GPR141: variants seen among roughly 807,000 people sequenced by gnomAD.
The protein encoded by GPR141 is G protein-coupled receptor 141.
In GPR141, 6 loss-of-function variants were observed where a neutral mutation model predicts 6.8. The observed-to-expected ratio is 0.88, with a 90% CI of 0.48 to 1.74. The LOEUF is 1.74. Among genes scored for constraint, GPR141 ranks in the 40% most tolerant of loss-of-function variants. The pLI is 0.01. For missense variants in GPR141, 372 were observed against 372.9 expected (o/e 1.00, Z 0.02); for synonymous variants, 140 against 142.3 (o/e 0.98, Z 0.11).
chr7:37,733,849 C>T (rs189708943), intron 2 of GPR141, among the ~76,000 whole-genome samples: 24 of 152,170 alleles, frequency 1.6e-4, no homozygotes, highest in Admixed American at 1.3e-4. Flanking sequence ...ATTTTTTCCA[C>T]TTCATACGTT....
rs111673518 is a variant in GPR141, at chr7:37,692,927, T to G, written c.-15+7344T>G. ...TGTCAGATGGATAGATTGCAAAAATTTTCTCCCATTCTGAAGGTTGTCTTT... is the reference window on the plus strand; with the variant it reads ...TGTCAGATGGATAGATTGCAAAAATGTTCTCCCATTCTGAAGGTTGTCTTT... On this transcript the variant is annotated intron_variant, in intron 2 of 2. Transcript: ENST00000334425. 7.9e-3 allele frequency among the ~76,000 whole-genome samples: 1,201 copies of G among 152,304 alleles called. 23 individuals are homozygous for G. The highest frequency in any genetic ancestry group is 0.027 in the African/African-American group (1,127 of 41,566).
chr7:37,724,420 A>G (rs1811521129), intron 2 of GPR141, among the ~76,000 whole-genome samples: 1 of 152,258 alleles, frequency 6.6e-6, no homozygotes, highest in Admixed American at 6.5e-5. Context: ...GCAGGGGGCA[A>G]TTTTTATATG....
At chr7:37,709,210 C>T (rs1810677338) in intron 2 of GPR141, among the ~76,000 whole-genome samples, 1 of 152,104 alleles carries the variant, frequency 6.6e-6, no homozygotes, top group Admixed American at 6.5e-5. Flanking sequence ...TCCACCTGCC[C>T]AAAGCAGCAA....
intron 2 of GPR141, among the ~76,000 whole-genome samples, chr7:37,728,313 T>G (rs1015344098): frequency 3.3e-5 from 5 of 151,896 alleles, no homozygotes; most frequent in African/African-American, 1.2e-4. Flanking sequence ...TTTCAGAATC[T>G]TTGCTACCTA....
At chr7:37,686,231 G>A (rs1250459457) in intron 2 of GPR141, among the ~76,000 whole-genome samples, 1 of 150,404 alleles carries the variant, frequency 6.6e-6, no homozygotes, top group Non-Finnish European at 1.5e-5. Context: ...CAAATCCCTG[G>A]GCTCAAGCAG....
intron 2 of GPR141, among the ~76,000 whole-genome samples, chr7:37,736,145 G>A (rs548823974): frequency 2.6e-5 from 4 of 152,106 alleles, no homozygotes; most frequent in Middle Eastern, 3.4e-3. Flanking sequence ...CCAGTTACTC[G>A]GGAGGCTGAG....
Position 37,741,017 on chromosome 7 carries a change from G to T in GPR141, c.624G>T (p.Val208=). The change falls in exon 3 of 3, where the codon GTG becomes GTT. Residue 208 remains valine, a synonymous_variant. Coordinates refer to ENST00000334425, the MANE Select transcript of GPR141 (RefSeq NM_001381946.1). ...VFQVFIIMLM[V]QKLRHSLLSH... ...AGGTCTTCATCATTATGTTGATGGTGCAGAAGCTACGCCACTCTTTACTAT... is the reference window on the plus strand; with the variant it reads ...AGGTCTTCATCATTATGTTGATGGTTCAGAAGCTACGCCACTCTTTACTAT... The T allele has an allele frequency of 6.2e-7, 1 of 1,614,128 alleles. No individual in the cohort carries two copies. Among genetic ancestry groups the T allele is most frequent in the South Asian group, 1.1e-5 (1 of 91,080 alleles).
chr7:37,722,153 A>G (rs919525067), intron 2 of GPR141, among the ~76,000 whole-genome samples: 1 of 152,252 alleles, frequency 6.6e-6, no homozygotes, highest in Non-Finnish European at 1.5e-5. Flanking sequence ...GGAAAAATCT[A>G]AAATATGTAA....
chr7:37,690,329 C>T (rs1453632565), intron 2 of GPR141, among the ~76,000 whole-genome samples: 3 of 152,162 alleles, frequency 2.0e-5, no homozygotes, highest in South Asian at 2.1e-4. Flanking sequence ...GTGTTTGGGT[C>T]GTGGGAGCAG....
At chr7:37,710,726 T>A (rs1387841108) in intron 2 of GPR141, among the ~76,000 whole-genome samples, 1 of 152,224 alleles carries the variant, frequency 6.6e-6, no homozygotes, top group Non-Finnish European at 1.5e-5. Flanking sequence ...GGGACGCTTA[T>A]TGCAACTCTG....
intron 2 of GPR141, among the ~76,000 whole-genome samples, chr7:37,713,124 G>A (rs1810886961): frequency 6.6e-6 from 1 of 152,098 alleles, no homozygotes; most frequent in African/African-American, 2.4e-5. Flanking sequence ...GGGTCAAGAG[G>A]GCCAGAAGTA....
At chr7:37,737,335 A>T (rs535665100) in intron 2 of GPR141, among the ~76,000 whole-genome samples, 43 of 127,028 alleles carry the variant, frequency 3.4e-4, no homozygotes, top group Admixed American at 7.2e-4. Flanking sequence ...TGGACTGTTT[A>T]CTCTATTTAC....
At chr7:37,729,955 T>C (rs750395192) in intron 2 of GPR141, 1 of 152,240 alleles carries the variant, frequency 6.6e-6, no homozygotes, top group African/African-American at 2.4e-5. Context: ...CAAAAGTATA[T>C]TGGAGAATCA....
At chr7:37,698,465 G>C (rs1810126167) in intron 2 of GPR141, among the ~76,000 whole-genome samples, 1 of 152,166 alleles carries the variant, frequency 6.6e-6, no homozygotes, top group Admixed American at 6.5e-5. Context: ...ATTGCGGGGA[G>C]GGGAAACACA....
intron 2 of GPR141, among the ~76,000 whole-genome samples, chr7:37,725,787 C>G (rs1811597856): frequency 6.6e-6 from 1 of 150,862 alleles, no homozygotes; most frequent in Non-Finnish European, 1.5e-5. Flanking sequence ...TTTCAGATGT[C>G]TGGACTTTTC....
intron 2 of GPR141, among the ~76,000 whole-genome samples, chr7:37,691,926 T>TA (rs1364939106): frequency 1.3e-5 from 2 of 152,204 alleles, no homozygotes; most frequent in East Asian, 3.8e-4. Context: ...TTATACTTTT[T>TA]ATTGCTGTTT....
chr7:37,742,683 A>C lies in GPR141; in HGVS notation c.*1372A>C, dbSNP rs1583588460. On this transcript the variant is annotated 3_prime_UTR_variant, in exon 3 of 3. Coordinates refer to ENST00000334425, the MANE Select transcript of GPR141 (RefSeq NM_001381946.1). ...GGTTTTCTGAATATTTGAAGAGTGG[A>C]TAAATAAATGTCCCCCAAAGCAATA... Among the ~76,000 whole-genome samples, 1 of 152,210 alleles carries C rather than the reference A, an allele frequency of 6.6e-6. No homozygotes were observed.
At chr7:37,712,153 C>A (rs979261282) in intron 2 of GPR141, among the ~76,000 whole-genome samples, 1 of 152,168 alleles carries the variant, frequency 6.6e-6, no homozygotes, top group Non-Finnish European at 1.5e-5. Context: ...GAGACAGAAT[C>A]TGCTCTAGAG....
At chr7:37,739,064 C>G (rs1196609762) in intron 2 of GPR141, among the ~76,000 whole-genome samples, 1 of 152,046 alleles carries the variant, frequency 6.6e-6, no homozygotes, top group African/African-American at 2.4e-5. Flanking sequence ...TTTTTTCACA[C>G]CTCAAAATGT....
Sources: allele counts gnomAD v4.1 joint callset (sites outside exome capture counted in the v4.1 genomes callset), GRCh38; gene constraint gnomAD v4.1.1; transcripts MANE v1.5; gene names NCBI Gene and HGNC (gene_info 2026-07-23, HGNC 2026-07-21).